The following ADAMTSL1 variants were observed in gnomAD, a reference collection of about 807,000 sequenced individuals.
The protein encoded by ADAMTSL1 is ADAMTS-like protein 1.
In ADAMTSL1, 126 loss-of-function variants were observed where a neutral mutation model predicts 201.8. That is an observed-to-expected ratio of 0.62 (90% CI 0.54 to 0.72). The LOEUF is 0.72. ADAMTSL1 is among the 30% of genes least tolerant of loss of function. The pLI is 0.00. For missense variants in ADAMTSL1, 2,679 were observed against 2,277.8 expected, an observed-to-expected ratio of 1.18 and a Z score of -3.59; for synonymous variants, 1,121 against 903.4, an observed-to-expected ratio of 1.24 and a Z score of -4.32.
In ADAMTSL1 at chr9:18,777,813, C is replaced by A; in HGVS notation, c.3584C>A (p.Thr1195Lys). 6.2e-7 allele frequency: 1 copy of A among 1,613,714 alleles called. No homozygotes were observed. Among genetic ancestry groups the A allele is most frequent in the Middle Eastern group, 1.6e-4 (1 of 6,062 alleles). ...LGQTVALASGTLSVLLHCEAI... is the reference protein window; with the variant it reads ...LGQTVALASGKLSVLLHCEAI... ...CAGACGGTGGCCCTGGCCAGCGGGA[C>A]ACTGAGTGTTCTTCTGCACTGTGAG... Residue 1195 changes from threonine to lysine, a missense_variant, in exon 19 of 29, where the codon ACA (threonine) becomes AAA (lysine). By Grantham distance (78) the Thr-to-Lys change is moderately conservative (BLOSUM62 -1). Transcript: ENST00000380548.
intron 27 of ADAMTSL1, 95 bp downstream of exon 27, chr9:18,905,986 AC>A (rs1830287816): frequency 8.8e-7 from 1 of 1,139,490 alleles, no homozygotes; most frequent in Non-Finnish European, 1.3e-6. Context: ...CTAACTTACC[AC>A]AGTCCCAAGC....
intron 1 of ADAMTSL1, among the ~76,000 whole-genome samples, chr9:17,988,748 CT>C (rs1440165592): frequency 6.6e-6 from 1 of 151,752 alleles, no homozygotes; most frequent in Non-Finnish European, 1.5e-5. Flanking sequence ...AACTCTTTTC[CT>C]TTTTCAGAGG....
intron 1 of ADAMTSL1, among the ~76,000 whole-genome samples, chr9:18,125,192 A>C (rs934455988): frequency 6.6e-6 from 1 of 152,182 alleles, no homozygotes; most frequent in African/African-American, 2.4e-5. Flanking sequence ...GAAGGCAAGG[A>C]GGAGCAAGTC....
chr9:18,567,266 A>T (rs1821967467), intron 3 of ADAMTSL1, among the ~76,000 whole-genome samples: 1 of 152,064 alleles, frequency 6.6e-6, no homozygotes, highest in Non-Finnish European at 1.5e-5. Context: ...GGAGTTCAAG[A>T]CCAGTCTGGC....
intron 23 of ADAMTSL1, among the ~76,000 whole-genome samples, chr9:18,845,089 G>A (rs62549155): frequency 0.25 from 38,767 of 152,060 alleles, 4,985 homozygotes; most frequent in Middle Eastern, 0.31. Context: ...AGATGAACCC[G>A]GTACCTCAGA....
intron 2 of ADAMTSL1, among the ~76,000 whole-genome samples, chr9:18,439,406 G>A (rs1819895802): frequency 6.6e-6 from 1 of 152,162 alleles, no homozygotes; most frequent in South Asian, 2.1e-4. Flanking sequence ...TGGCTCTGCC[G>A]CCCAGGCTGG....
At chr9:18,222,665 AT>A (rs1830307712) in intron 2 of ADAMTSL1, among the ~76,000 whole-genome samples, 1 of 95,156 alleles carries the variant, frequency 1.1e-5, no homozygotes, top group African/African-American at 4.0e-5. Flanking sequence ...TTTTTTTGCC[AT>A]TCCTTTTTTC....
rs113945752 is a variant in ADAMTSL1, at chr9:18,314,010, A to T, written c.207+150029A>T. 3.3e-3 allele frequency among the ~76,000 whole-genome samples: 508 copies of T among 152,296 alleles called. 1 individual carries two copies. The highest frequency in any genetic ancestry group is 5.9e-3 in the Non-Finnish European group (403 of 68,026). On this transcript the variant is annotated intron_variant, in intron 2 of 29. Coordinates refer to the ADAMTSL1 transcript ENST00000680146. The stretch of plus-strand genomic sequence containing the variant: ...AAACACCAAATGACCCAACTAAAAA[A>T]AATGGGCAAAGGACTTGAATAAATG...
chr9:18,563,757 G>A (rs572552566), intron 3 of ADAMTSL1, among the ~76,000 whole-genome samples: 15 of 152,306 alleles, frequency 9.8e-5, no homozygotes, highest in Non-Finnish European at 1.5e-4. Flanking sequence ...GCAGCTTTGC[G>A]TAGCTGCGGT....
At chr9:18,810,197 T>C (rs1254198641) in intron 20 of ADAMTSL1, among the ~76,000 whole-genome samples, 1 of 152,184 alleles carries the variant, frequency 6.6e-6, no homozygotes, top group South Asian at 2.1e-4. Context: ...CATCAGATGA[T>C]ACATAATCTC....
intron 2 of ADAMTSL1, among the ~76,000 whole-genome samples, chr9:18,462,557 A>T (rs967400873): frequency 6.6e-6 from 1 of 152,232 alleles, no homozygotes; most frequent in African/African-American, 2.4e-5. Flanking sequence ...GAAAAGTCCA[A>T]TTCAGGGTGA....
At chr9:18,346,083 C>G (rs1563901780) in intron 2 of ADAMTSL1, among the ~76,000 whole-genome samples, 1 of 152,204 alleles carries the variant, frequency 6.6e-6, no homozygotes, top group Non-Finnish European at 1.5e-5. Context: ...ACCCTGTATG[C>G]TACACATCCA....
chr9:18,416,396 T>G (rs1818678095), intron 2 of ADAMTSL1, among the ~76,000 whole-genome samples: 1 of 151,900 alleles, frequency 6.6e-6, no homozygotes, highest in African/African-American at 2.4e-5. Context: ...AAAAATTGCT[T>G]GATCAAAATG....
intron 2 of ADAMTSL1, among the ~76,000 whole-genome samples, chr9:18,186,613 G>T (rs1249739342): frequency 1.3e-5 from 2 of 152,090 alleles, no homozygotes; most frequent in Non-Finnish European, 1.5e-5. Flanking sequence ...AATATATTTT[G>T]TGATTGGTTC....
chr9:18,226,453 C>G (rs976029313), intron 2 of ADAMTSL1, among the ~76,000 whole-genome samples: 1 of 152,088 alleles, frequency 6.6e-6, no homozygotes, highest in African/African-American at 2.4e-5. Flanking sequence ...TCTTGTTATC[C>G]TCTTCATACT....
chr9:18,266,701 T>G (rs115874168), intron 2 of ADAMTSL1, among the ~76,000 whole-genome samples: 1,779 of 152,258 alleles, frequency 0.012, 32 homozygotes, highest in African/African-American at 0.041. Context: ...ATGGTCTCAC[T>G]TCAGGGGCCC....
At chr9:18,265,423 G>A (rs1832083361) in intron 2 of ADAMTSL1, among the ~76,000 whole-genome samples, 1 of 151,914 alleles carries the variant, frequency 6.6e-6, no homozygotes, top group Non-Finnish European at 1.5e-5. Context: ...TTACTAGCCT[G>A]GTATTTATTA....
chr9:18,775,957 A>T, intron 18 of ADAMTSL1, 61 bp downstream of exon 18: 2 of 1,547,110 alleles, frequency 1.3e-6, no homozygotes, highest in Non-Finnish European at 1.7e-6. Context: ...AGCTATAGCC[A>T]CCACGCCGTG....
intron 1 of ADAMTSL1, among the ~76,000 whole-genome samples, chr9:17,938,461 T>C (rs1827101222): frequency 6.6e-6 from 1 of 152,122 alleles, no homozygotes; most frequent in Non-Finnish European, 1.5e-5. Context: ...ATGCCAAGGG[T>C]GCGATGTCAT....
Sources: allele counts gnomAD v4.1 joint callset (sites outside exome capture counted in the v4.1 genomes callset), GRCh38; gene constraint gnomAD v4.1.1; transcripts MANE v1.5; gene names NCBI Gene and HGNC (gene_info 2026-07-23, HGNC 2026-07-21).